SPPL2B: variants seen among roughly 807,000 people sequenced by gnomAD.
SPPL2B encodes the protein signal peptide peptidase-like 2B.
Under a neutral mutation model 59.7 loss-of-function variants are expected in SPPL2B, and 39 were observed. The observed-to-expected ratio is 0.65, with a 90% CI of 0.51 to 0.85. The LOEUF (loss-of-function observed/expected upper bound fraction) is 0.85. SPPL2B is among the 40% of genes least tolerant of loss of function. The pLI is 0.00. For missense variants in SPPL2B, 865 were observed against 849.0 expected (o/e 1.02, Z -0.23); for synonymous variants, 419 against 370.8 (o/e 1.13, Z -1.49).
chr19:2,338,698 G>A, intron 3 of SPPL2B, 54 bp from the exon 4 acceptor site: 1 of 1,294,716 alleles, frequency 7.7e-7, no homozygotes, highest in Non-Finnish European at 1.1e-6. Flanking sequence ...ACAGAGCTGG[G>A]GGCCCACCCA....
At chr19:2,343,910 G>T (rs539501129) in intron 9 of SPPL2B, 55 bp from the exon 10 acceptor site, 2 of 1,349,774 alleles carry the variant, frequency 1.5e-6, no homozygotes, top group African/African-American at 1.4e-5. Flanking sequence ...CATGAGATGG[G>T]AGTGGGGGAG....
chr19:2,341,130 A>AGCACCGCGT lies in SPPL2B; in HGVS notation c.956+118_956+126dup, dbSNP rs775582889. 5 of 767,022 alleles carry AGCACCGCGT rather than the reference A, an allele frequency of 6.5e-6. No individual in the cohort carries two copies. In the South Asian group the frequency reaches 7.2e-5, roughly 11 times the overall value. The allele number at this position is 767,022 out of a possible 1,614,324, so 47.5% of individuals were successfully genotyped here. A position where few individuals can be genotyped will look rare whatever the true frequency, so the allele number is the denominator to read the frequency against. On this transcript the variant is annotated intron_variant, in intron 8 of 14. Transcript: ENST00000613503. ...GGCCGCCCCAGCCTGGAGCTGCTTC[A>AGCACCGCGT]GCACCGCGTGATGAAGAGCCCTGGC...
At chr19:2,337,665 G>A (rs1034715541) in intron 3 of SPPL2B, 40 bp downstream of exon 3, 2 of 1,499,908 alleles carry the variant, frequency 1.3e-6, no homozygotes, top group Admixed American at 4.2e-5. Context: ...AGCTCTCAGG[G>A]GCAGGAGGGG....
At chr19:2,336,835 G>A (rs1334861086) in intron 2 of SPPL2B, among the ~76,000 whole-genome samples, 6 of 145,472 alleles carry the variant, frequency 4.1e-5, no homozygotes, top group African/African-American at 7.8e-5. Context: ...GGCTATGTGC[G>A]TGTGTGTGTG....
In SPPL2B at chr19:2,338,794, A is replaced by G; in HGVS notation, c.412A>G (p.Ile138Val). The change falls in exon 4 of 15, where the codon ATT becomes GTT. Residue 138 changes from isoleucine to valine, a missense_variant. By Grantham distance (29) the Ile-to-Val change is conservative (BLOSUM62 3). Transcript: ENST00000613503. ...GNKTQYDEIG[I>V]PVALLSYKDM... is the part of the protein sequence containing the mutation. Reference sequence around the variant, plus strand: ...TAAGACGCAGTATGATGAGATTGGCATTCCCGTGGCCCTGCTCAGCTACAA... The same window carrying G: ...TAAGACGCAGTATGATGAGATTGGCGTTCCCGTGGCCCTGCTCAGCTACAA... 2.5e-6 allele frequency: 4 copies of G among 1,613,564 alleles called. No individual in the cohort carries two copies. Among genetic ancestry groups the G allele is most frequent in the Non-Finnish European group, 2.5e-6 (3 of 1,179,686 alleles).
intron 13 of SPPL2B, among the ~76,000 whole-genome samples, chr19:2,348,213 A>T (rs1290488459): frequency 1.7e-5 from 2 of 117,368 alleles, no homozygotes; most frequent in Non-Finnish European, 3.4e-5. Context: ...CTCTCCACAC[A>T]CACACACTCT....
intron 1 of SPPL2B, among the ~76,000 whole-genome samples, chr19:2,329,145 C>T (rs1968149560): frequency 1.3e-5 from 2 of 152,258 alleles, no homozygotes; most frequent in Non-Finnish European, 2.9e-5. Context: ...CACCCCTCTC[C>T]GAGCCTCAGT....
intron 13 of SPPL2B, among the ~76,000 whole-genome samples, chr19:2,347,154 T>C (rs1348930202): frequency 6.6e-6 from 1 of 151,010 alleles, no homozygotes; most frequent in Non-Finnish European, 1.5e-5. Flanking sequence ...CTCATTCACC[T>C]GATTCCGTTC....
At chr19:2,341,489 G>A (rs1300733036) in intron 8 of SPPL2B, 2 of 445,796 alleles carry the variant, frequency 4.5e-6, no homozygotes, top group South Asian at 1.6e-5. Context: ...CACCTCCCAC[G>A]TGGCCTGGAC....
chr19:2,329,361 C>A (rs1041610140), intron 1 of SPPL2B, among the ~76,000 whole-genome samples: 1 of 152,194 alleles, frequency 6.6e-6, no homozygotes, highest in Non-Finnish European at 1.5e-5. Context: ...GAAGGAGGAC[C>A]GACTATGGTG....
chr19:2,335,114 G>A (rs984444343), intron 2 of SPPL2B, among the ~76,000 whole-genome samples: 5 of 152,142 alleles, frequency 3.3e-5, no homozygotes, highest in Non-Finnish European at 7.4e-5. Flanking sequence ...ACTAACACCT[G>A]CTGCTGGATG....
intron 2 of SPPL2B, among the ~76,000 whole-genome samples, chr19:2,335,864 G>A (rs1009578645): frequency 6.6e-5 from 10 of 152,272 alleles, no homozygotes; most frequent in East Asian, 1.9e-4. Flanking sequence ...TAGTGTGTGC[G>A]TGTGAGCACG....
chr19:2,353,151 C>G lies in SPPL2B; in HGVS notation c.1721C>G (p.Ser574Cys), dbSNP rs1277911800. 6.2e-7 allele frequency: 1 copy of G among 1,610,254 alleles called. No individual in the cohort carries two copies. Among genetic ancestry groups the G allele is most frequent in the South Asian group, 1.1e-5 (1 of 91,008 alleles). Residue 574 changes from serine to cysteine, a missense_variant, in exon 15 of 15, where the codon TCC becomes TGC. Ser to Cys is a moderately radical substitution (Grantham distance 112, BLOSUM62 -1). Transcript: ENST00000613503. The part of the protein sequence containing the change: ...PMREPGSPAE[S>C]EGRDQAQPSP... ...CGGGAGCCTGGGAGCCCAGCTGAAT[C>G]CGAGGGCCGGGACCAGGCCCAGCCG...
rs1428250334 is a variant in SPPL2B, at chr19:2,332,090, TG to T, written c.67-2511del. Among the ~76,000 whole-genome samples, 4 of 152,220 alleles carry T rather than the reference TG, an allele frequency of 2.6e-5. No homozygotes were observed. Among genetic ancestry groups the T allele is most frequent in the Non-Finnish European group, 4.4e-5 (3 of 68,032 alleles). On this transcript the variant is annotated intron_variant, in intron 1 of 14. Coordinates refer to ENST00000613503, the MANE Select transcript of SPPL2B (RefSeq NM_152988.3). The surrounding 1 kb of genome is among the most constrained non-coding windows in gnomAD (Gnocchi z 4.6). ...GGCAGAACTGGAAAGAAAGGGCTCC[TG>T]ACTCTGCCTGGGCTCTGGGGGAGGT...
chr19:2,350,949 G>A (rs540423844), intron 13 of SPPL2B, among the ~76,000 whole-genome samples: 6 of 152,326 alleles, frequency 3.9e-5, no homozygotes, highest in African/African-American at 9.6e-5. Flanking sequence ...GGTGGACACC[G>A]TGCCCTTTGA....
chr19:2,328,721 G>C lies in SPPL2B; in HGVS notation c.12G>C (p.Ala4=), dbSNP rs1437134344. 4.8e-6 allele frequency: 7 copies of C among 1,451,954 alleles called. No homozygotes were observed. The highest frequency in any genetic ancestry group is 2.8e-5 in the East Asian group (1 of 35,286). The allele number at this position is 1,451,954 out of a possible 1,614,324, so 89.9% of individuals were successfully genotyped here. The change falls in exon 1 of 15, where the codon GCG becomes GCC. Residue 4 remains alanine (A), a synonymous_variant. Transcript: ENST00000613503. MAA[A]VAAALARLLA... ...GGGCACCGGCCGACATGGCGGCAGCGGTGGCGGCTGCGCTGGCGCGGCTTT... is the reference window on the plus strand; with the variant it reads ...GGGCACCGGCCGACATGGCGGCAGCCGTGGCGGCTGCGCTGGCGCGGCTTT...
At chr19:2,348,231 C>T (rs1256665522) in intron 13 of SPPL2B, among the ~76,000 whole-genome samples, 2 of 90,462 alleles carry the variant, frequency 2.2e-5, no homozygotes, top group South Asian at 4.7e-4. Context: ...TCTCATTCGC[C>T]TGATTCCGTT....
intron 3 of SPPL2B, 42 bp downstream of exon 3, chr19:2,337,667 CAGGAGGGGGGTGCAGGAGGCAGAGA>C (rs1968734875): frequency 6.7e-7 from 1 of 1,497,048 alleles, no homozygotes; most frequent in African/African-American, 1.4e-5. Context: ...CTCTCAGGGG[CAGGAGGGGGGTGCAGGAGGCAGAGA>C]TGGCAGCAGC....
At chr19:2,352,923 C>T (rs1300163717) in intron 14 of SPPL2B, 23 bp from the exon 15 acceptor site, 1 of 1,611,542 alleles carries the variant, frequency 6.2e-7, no homozygotes, top group African/African-American at 1.3e-5. Flanking sequence ...CTCCGCCTCA[C>T]CTCTGCCTCC....
Sources: gnomAD v4.1 joint callset for allele counts (sites outside exome capture counted in the v4.1 genomes callset) on GRCh38, gnomAD v4.1.1 for gene constraint, Gnocchi (gnomAD v3.1) non-coding constraint, MANE v1.5 for transcripts, NCBI Gene and HGNC (gene_info 2026-07-23, HGNC 2026-07-21) for gene names.